LDAH: variants seen among roughly 807,000 people sequenced by gnomAD.
LDAH encodes lipid droplet associated hydrolase.
A neutral mutation model predicts 29.6 loss-of-function variants in LDAH; 26 were observed. The ratio of observed to expected loss-of-function variants is 0.88; its 90% CI spans 0.64 to 1.22. The LOEUF (loss-of-function observed/expected upper bound fraction) is 1.22. Ranked by LOEUF, LDAH falls within the 50% of genes most tolerant of loss-of-function variation. The pLI is 0.00. For missense variants in LDAH, 344 were observed against 387.3 expected (o/e 0.89, Z 0.94); for synonymous variants, 117 against 133.0 (o/e 0.88, Z 0.83).
At chr2:20,745,238 C>T (rs1667488345) in intron 4 of LDAH, among the ~76,000 whole-genome samples, 1 of 152,152 alleles carries the variant, frequency 6.6e-6, no homozygotes, top group Non-Finnish European at 1.5e-5. Context: ...AAAGAGTTTT[C>T]CAAAGTAGTT....
Position 20,774,872 on chromosome 2 carries a change from T to C in LDAH, c.406A>G (p.Ile136Val), listed in dbSNP as rs1448557197. The change falls in exon 4 of 7, where the codon ATT becomes GTT. Residue 136 changes from isoleucine to valine, a missense_variant. Coordinates refer to ENST00000237822, the MANE Select transcript of LDAH (RefSeq NM_021925.4). ...AAATAGCTGCCTATTGAATGGCCAA[T>C]GAGCACAAGTTTCATGTCCTTTGGC... ...HVPKDMKLVL[I>V]GHSIGSYFTL... 5 of 1,613,538 alleles carry C rather than the reference T, an allele frequency of 3.1e-6. No individual in the cohort carries two copies. In the African/African-American group the frequency reaches 5.3e-5, roughly 17 times the overall value.
intron 5 of LDAH, among the ~76,000 whole-genome samples, chr2:20,731,904 G>A (rs113994897): frequency 0.019 from 2,872 of 150,418 alleles, 99 homozygotes; most frequent in African/African-American, 0.067. Flanking sequence ...TGGCAGAGCC[G>A]CAGAACCATC....
chr2:20,709,907 T>C (rs970503022), intron 5 of LDAH, among the ~76,000 whole-genome samples: 2 of 152,182 alleles, frequency 1.3e-5, no homozygotes, highest in African/African-American at 2.4e-5. Flanking sequence ...CACTCCAAGA[T>C]ATCAGACTTT....
chr2:20,759,532 T>C (rs372961779), intron 4 of LDAH, among the ~76,000 whole-genome samples: 13 of 152,314 alleles, frequency 8.5e-5, no homozygotes, highest in African/African-American at 3.1e-4. Context: ...CCATACAAGC[T>C]GGAAGTGAGC....
chr2:20,699,293 C>T (rs764118290), intron 6 of LDAH, among the ~76,000 whole-genome samples: 4 of 152,168 alleles, frequency 2.6e-5, no homozygotes, highest in African/African-American at 7.2e-5. Flanking sequence ...TTTCTAATCC[C>T]GGGCATTGGT....
chr2:20,789,692 C>A (rs935021786), intron 3 of LDAH, among the ~76,000 whole-genome samples: 38 of 152,158 alleles, frequency 2.5e-4, no homozygotes, highest in African/African-American at 9.2e-4. Flanking sequence ...CTGTCAGGAA[C>A]CCGGCCACAC....
At chr2:20,787,647 T>A (rs1468085161) in intron 3 of LDAH, among the ~76,000 whole-genome samples, 1 of 152,200 alleles carries the variant, frequency 6.6e-6, no homozygotes, top group Non-Finnish European at 1.5e-5. Flanking sequence ...GTTCTACATG[T>A]CAGAGCTGAA....
chr2:20,746,582 T>G (rs1381854718), intron 4 of LDAH, among the ~76,000 whole-genome samples: 1 of 152,148 alleles, frequency 6.6e-6, no homozygotes, highest in Non-Finnish European at 1.5e-5. Flanking sequence ...ACCTGCTGGG[T>G]GACACTTTTC....
At chr2:20,799,673 C>T (rs1431324762) in intron 2 of LDAH, among the ~76,000 whole-genome samples, 1 of 152,176 alleles carries the variant, frequency 6.6e-6, no homozygotes, top group Non-Finnish European at 1.5e-5. Flanking sequence ...CATCCCTCCT[C>T]CCAGCCCTGC....
intron 1 of LDAH, among the ~76,000 whole-genome samples, chr2:20,810,853 G>A (rs543130761): frequency 3.9e-5 from 6 of 152,132 alleles, no homozygotes; most frequent in Non-Finnish European, 7.3e-5. Flanking sequence ...ATTGTGAACT[G>A]TGCATGCGAA....
In LDAH at chr2:20,774,819, A is replaced by G. The variant is rs1354216638; in HGVS notation, c.459T>C (p.Pro153=). The change falls in exon 4 of 7, where the codon CCT becomes CCC. Residue 153 remains proline, a synonymous_variant. Transcript: ENST00000237822. ...YFTLQMLKRV[P]ELPVIRAFLL... ...CTGGAGACCTACTTACCGGGAGCTC[A>G]GGGACTCGCTTCAGCATCTGAAGTG... is the stretch of plus-strand genomic sequence containing the variant. 6.2e-7 allele frequency: 1 copy of G among 1,612,858 alleles called. No homozygotes were observed. The highest frequency in any genetic ancestry group is 1.1e-5 in the South Asian group (1 of 91,012).
intron 6 of LDAH, among the ~76,000 whole-genome samples, chr2:20,690,491 A>G (rs1237226917): frequency 1.3e-5 from 2 of 152,194 alleles, no homozygotes; most frequent in Admixed American, 1.3e-4. Flanking sequence ...TTCAGGCTAT[A>G]TATTCTCTAA....
At chr2:20,721,495 C>G (rs1053263654) in intron 5 of LDAH, among the ~76,000 whole-genome samples, 1 of 152,012 alleles carries the variant, frequency 6.6e-6, no homozygotes, top group Admixed American at 6.6e-5. Flanking sequence ...AAAGAACTTA[C>G]TCGTGTAACC....
chr2:20,702,303 T>C (rs1664004284), intron 5 of LDAH, among the ~76,000 whole-genome samples: 2 of 152,178 alleles, frequency 1.3e-5, no homozygotes. Flanking sequence ...TGAATTCCAT[T>C]TTGGCTGGTA....
At chr2:20,722,377 CAAAAAAAAA>C (rs141440507) in intron 5 of LDAH, among the ~76,000 whole-genome samples, 1 of 70,842 alleles carries the variant, frequency 1.4e-5, no homozygotes, top group South Asian at 5.6e-4. Flanking sequence ...GAAACTGTCT[CAAAAAAAAA>C]AAAAAAAAAA....
intron 5 of LDAH, among the ~76,000 whole-genome samples, chr2:20,705,836 A>T (rs1196526646): frequency 1.3e-5 from 2 of 152,206 alleles, no homozygotes; most frequent in South Asian, 4.1e-4. Flanking sequence ...TTAAAATTTT[A>T]TTGTTAAGTC....
At chr2:20,794,641 A>G (rs1466495379) in intron 2 of LDAH, among the ~76,000 whole-genome samples, 1 of 152,044 alleles carries the variant, frequency 6.6e-6, no homozygotes, top group Non-Finnish European at 1.5e-5. Context: ...TAAAAGAAAA[A>G]CCATACGATC....
At chr2:20,708,850 T>A (rs551667758) in intron 5 of LDAH, among the ~76,000 whole-genome samples, 1 of 152,290 alleles carries the variant, frequency 6.6e-6, no homozygotes, top group East Asian at 1.9e-4. Context: ...ACTAACACTT[T>A]TATGCTTTAA....
chr2:20,808,410 T>TC (rs1243612521), intron 1 of LDAH, among the ~76,000 whole-genome samples: 3 of 152,060 alleles, frequency 2.0e-5, no homozygotes, highest in Non-Finnish European at 4.4e-5. Context: ...ACGCCTGTAA[T>TC]CCCAGCACTT....
Sources: allele counts gnomAD v4.1 joint callset (sites outside exome capture counted in the v4.1 genomes callset), GRCh38; gene constraint gnomAD v4.1.1; transcripts MANE v1.5; gene names NCBI Gene and HGNC (gene_info 2026-07-23, HGNC 2026-07-21).